CNTNAP5: variants seen among roughly 807,000 people sequenced by gnomAD.
CNTNAP5 encodes contactin-associated protein-like 5.
A neutral mutation model predicts 150.2 loss-of-function variants in CNTNAP5; 72 were observed. The ratio of observed to expected loss-of-function variants is 0.48; its 90% CI spans 0.40 to 0.58. The LOEUF is 0.58. CNTNAP5 is among the 20% of genes least tolerant of loss of function. The pLI, the probability that CNTNAP5 is intolerant of heterozygous loss-of-function variation, is 0.00. For missense variants in CNTNAP5, 1,636 were observed against 1,626.2 expected, an observed-to-expected ratio of 1.01 and a Z score of -0.10; for synonymous variants, 672 against 619.8, an observed-to-expected ratio of 1.08 and a Z score of -1.25.
At chr2:124,409,041 AGGAGCTGAT>A (rs1691673739) in intron 3 of CNTNAP5, among the ~76,000 whole-genome samples, 1 of 139,344 alleles carries the variant, frequency 7.2e-6, no homozygotes, top group Non-Finnish European at 1.6e-5. Flanking sequence ...AAGTGCTTAA[AGGAGCTGAT>A]GGAGCTGAAA....
At chr2:124,113,363 A>C (rs890516188) in intron 1 of CNTNAP5, among the ~76,000 whole-genome samples, 1 of 152,132 alleles carries the variant, frequency 6.6e-6, no homozygotes, top group Non-Finnish European at 1.5e-5. Context: ...ACGTTAAAAA[A>C]TTCTTTATTG....
At chr2:124,385,194 AG>A (rs2104742055) in intron 3 of CNTNAP5, among the ~76,000 whole-genome samples, 1 of 152,332 alleles carries the variant, frequency 6.6e-6, no homozygotes, top group African/African-American at 2.4e-5. Flanking sequence ...AAAATCAGAA[AG>A]AAAAAAAGAC....
At chr2:124,868,713 G>A (rs1250959561) in intron 20 of CNTNAP5, among the ~76,000 whole-genome samples, 4 of 152,134 alleles carry the variant, frequency 2.6e-5, no homozygotes, top group Non-Finnish European at 5.9e-5. Flanking sequence ...CTGAGCAGAC[G>A]TGCCAAAGGA....
intron 12 of CNTNAP5, among the ~76,000 whole-genome samples, chr2:124,621,894 T>TAAC (rs1403962179): frequency 6.6e-6 from 1 of 152,238 alleles, no homozygotes; most frequent in Admixed American, 6.5e-5. Context: ...GTATCTGTAA[T>TAAC]ACAATTTGGT....
intron 12 of CNTNAP5, among the ~76,000 whole-genome samples, chr2:124,642,903 C>T (rs59554866): frequency 6.6e-6 from 1 of 152,164 alleles, no homozygotes; most frequent in Admixed American, 6.5e-5. Flanking sequence ...TTGGGAAATA[C>T]TTTACTGGTT....
chr2:124,741,079 A>T (rs1680488453), intron 13 of CNTNAP5, among the ~76,000 whole-genome samples: 1 of 152,206 alleles, frequency 6.6e-6, no homozygotes, highest in Admixed American at 6.5e-5. Flanking sequence ...TTACTCCTGC[A>T]ACTTCAAACA....
At chr2:124,833,786 C>T (rs1176588497) in intron 19 of CNTNAP5, among the ~76,000 whole-genome samples, 1 of 151,948 alleles carries the variant, frequency 6.6e-6, no homozygotes, top group Non-Finnish European at 1.5e-5. Context: ...TTAACTTCAT[C>T]AGATACTGTC....
At chr2:124,592,644 G>A (rs1371355231) in intron 11 of CNTNAP5, among the ~76,000 whole-genome samples, 1 of 151,820 alleles carries the variant, frequency 6.6e-6, no homozygotes, top group East Asian at 1.9e-4. Context: ...AGCCTGCTAG[G>A]GAAAAGGCCT....
At chr2:124,212,132 T>C (rs6541944) in intron 1 of CNTNAP5, among the ~76,000 whole-genome samples, 47,493 of 152,064 alleles carry the variant, frequency 0.31, 7,545 homozygotes, top group South Asian at 0.48. Flanking sequence ...TGCATAATCA[T>C]CTGGACAATG....
intron 2 of CNTNAP5, among the ~76,000 whole-genome samples, chr2:124,233,758 G>A (rs1461300948): frequency 6.8e-6 from 1 of 147,056 alleles, no homozygotes; most frequent in Non-Finnish European, 1.5e-5. Flanking sequence ...TAATCATTTT[G>A]TGTCCATAGT....
At chr2:124,275,772 C>T (rs1056760586) in intron 3 of CNTNAP5, among the ~76,000 whole-genome samples, 1 of 152,078 alleles carries the variant, frequency 6.6e-6, no homozygotes, top group African/African-American at 2.4e-5. Flanking sequence ...CTACAATCTC[C>T]AGTATTCTTG....
intron 2 of CNTNAP5, among the ~76,000 whole-genome samples, chr2:124,222,979 A>G (rs2104742343): frequency 6.6e-6 from 1 of 152,272 alleles, no homozygotes; most frequent in South Asian, 2.1e-4. Context: ...CAAAGATTCA[A>G]CAGGAAAATT....
intron 1 of CNTNAP5, among the ~76,000 whole-genome samples, chr2:124,171,386 C>T (rs1345048772): frequency 1.3e-5 from 2 of 152,180 alleles, no homozygotes; most frequent in African/African-American, 2.4e-5. Context: ...GCCAGCACAA[C>T]AGTATCACCA....
At chr2:124,589,673 T>C (rs1696635635) in intron 11 of CNTNAP5, among the ~76,000 whole-genome samples, 1 of 152,214 alleles carries the variant, frequency 6.6e-6, no homozygotes, top group Middle Eastern at 3.2e-3. Context: ...ATATCTTACG[T>C]ATTTATGGCA....
intron 1 of CNTNAP5, among the ~76,000 whole-genome samples, chr2:124,160,126 G>A (rs567444461): frequency 6.6e-6 from 1 of 152,118 alleles, no homozygotes; most frequent in Non-Finnish European, 1.5e-5. Context: ...CACTAAGCTG[G>A]AGACTCAGGA....
intron 10 of CNTNAP5, among the ~76,000 whole-genome samples, chr2:124,545,081 T>C (rs1695481540): frequency 6.6e-6 from 1 of 152,184 alleles, no homozygotes; most frequent in Non-Finnish European, 1.5e-5. Context: ...TTGCTATTTC[T>C]GTTACCCAGT....
At chr2:124,470,286 C>A (rs1693478537) in intron 6 of CNTNAP5, among the ~76,000 whole-genome samples, 2 of 152,126 alleles carry the variant, frequency 1.3e-5, no homozygotes, top group South Asian at 4.1e-4. Flanking sequence ...GATGGTATCT[C>A]ATTGTGGTTT....
intron 11 of CNTNAP5, among the ~76,000 whole-genome samples, chr2:124,577,501 G>A (rs17011743): frequency 0.18 from 26,778 of 152,028 alleles, 2,560 homozygotes; most frequent in South Asian, 0.25. Context: ...TATCAGGCAT[G>A]TATAAATATC....
At chr2:124,218,814 A>G (rs956258987) in intron 1 of CNTNAP5, among the ~76,000 whole-genome samples, 3 of 152,130 alleles carry the variant, frequency 2.0e-5, no homozygotes, top group African/African-American at 7.2e-5. Flanking sequence ...ACTGATAGAT[A>G]CCAATTTTAC....
Sources: gnomAD v4.1 joint callset for allele counts (sites outside exome capture counted in the v4.1 genomes callset) on GRCh38, gnomAD v4.1.1 for gene constraint, MANE v1.5 for transcripts, NCBI Gene and HGNC (gene_info 2026-07-23, HGNC 2026-07-21) for gene names.